Variants in PDE4C observed in about 807,000 individuals in gnomAD.
PDE4C encodes the protein phosphodiesterase 4C.
A neutral mutation model predicts 63.9 loss-of-function variants in PDE4C; 50 were observed. The observed-to-expected ratio is 0.78, with a 90% CI of 0.62 to 0.99. PDE4C has a LOEUF of 0.99. PDE4C is among the 50% of genes least tolerant of loss of function. The pLI is 0.00. For synonymous variants in PDE4C, 377 were observed against 385.1 expected (o/e 0.98, Z 0.25); for missense variants, 777 against 899.1 (o/e 0.86, Z 1.74).
upstream of PDE4C, among the ~76,000 whole-genome samples, chr19:18,250,984 C>T (rs144584960): frequency 0.025 from 3,796 of 152,262 alleles, 169 homozygotes; most frequent in African/African-American, 0.087. Context: ...CCATGTTGCC[C>T]AGGCTGGTCT....
chr19:18,222,369 G>T (rs1475152259), intron 1 of PDE4C, 46 bp from the exon 2 acceptor site: 1 of 1,554,956 alleles, frequency 6.4e-7, no homozygotes, highest in East Asian at 2.3e-5. Context: ...CATGACAACT[G>T]GGTGCCGGGT....
chr19:18,243,328 G>A (rs368620198), intron 1 of PDE4C, among the ~76,000 whole-genome samples: 2 of 151,822 alleles, frequency 1.3e-5, no homozygotes, highest in African/African-American at 4.8e-5. Flanking sequence ...GGCTGGTCTC[G>A]AACTCCTGAC....
At chr19:18,245,807 T>C (rs1473048780) in intron 1 of PDE4C, among the ~76,000 whole-genome samples, 1 of 152,152 alleles carries the variant, frequency 6.6e-6, no homozygotes, top group East Asian at 1.9e-4. Flanking sequence ...GTGAGCTGAG[T>C]GTGGGAGAGG....
exon 1 of PDE4C, chr19:18,226,399 G>A (rs1198497179): frequency 1.4e-6 from 2 of 1,447,774 alleles, no homozygotes; most frequent in Non-Finnish European, 1.8e-6. Flanking sequence ...CGGGGCGGGC[G>A]CGGGGGGGCC....
Position 18,219,546 on chromosome 19 carries a change from G to A in PDE4C, c.707-149C>T, listed in dbSNP as rs575310953. 562 of 842,552 alleles carry A rather than the reference G, an allele frequency of 6.7e-4. 3 individuals are homozygous for A. The South Asian group carries it at 7.9e-3, about 12-fold the overall frequency. 52.2% of individuals were successfully genotyped at this position (842,552 alleles called of 1,614,324 possible). On this transcript the variant is annotated intron_variant, in intron 7 of 14. Transcript: ENST00000262805. ...GTTCGGAGTAAAGACCCTGTCGGCC[G>A]GACGCAGTGGCTCACGCCTGTAATC...
At chr19:18,209,699 TC>T (rs60971526), downstream of PDE4C, 46,765 of 97,102 alleles carry the variant, frequency 0.48, 8,117 homozygotes, top group East Asian at 0.61. Context: ...TTTTTTTTTT[TC>T]TTTTCTTTTT....
In PDE4C at chr19:18,224,591, C is replaced by A. The variant is rs1490622999; in HGVS notation, c.146+1679G>T. ...CTTCGGATAAGTTCGAGCTTGTTCG[C>A]CTAAGTCCGGTTACGCTCGGTCTGC... On this transcript the variant is annotated intron_variant, in intron 1 of 14. Coordinates refer to ENST00000262805, the Ensembl canonical transcript of PDE4C. 1.8e-5 allele frequency: 16 copies of A among 867,048 alleles called. No individual in the cohort carries two copies. In the East Asian group the frequency reaches 1.2e-3, roughly 66 times the overall value. 53.7% of individuals were successfully genotyped at this position (867,048 alleles called of 1,614,324 possible). A position where few individuals can be genotyped will look rare whatever the true frequency, so the allele number is the denominator to read the frequency against.
At chr19:18,221,052 G>GCCAGGGCCCCCCCCCCC in intron 4 of PDE4C, 53 bp downstream of exon 4, 1 of 1,245,308 alleles carries the variant, frequency 8.0e-7, no homozygotes, top group Non-Finnish European at 1.1e-6. Context: ...CCCGCTTTCC[G>GCCAGGGCCCCCCCCCCC]CCCACCTTGT....
chr19:18,235,172 A>AGTTT (rs777024015), upstream of PDE4C, among the ~76,000 whole-genome samples: 57 of 151,974 alleles, frequency 3.8e-4, no homozygotes, highest in African/African-American at 1.2e-3. Context: ...TGGTGTGTCT[A>AGTTT]GTTTGTTTGT....
At chr19:18,230,948 C>T (rs946603849), upstream of PDE4C, among the ~76,000 whole-genome samples, 7 of 152,252 alleles carry the variant, frequency 4.6e-5, no homozygotes, top group South Asian at 6.2e-4. Context: ...TCCCATACCC[C>T]TGTGATCCAT....
intron 12 of PDE4C, 85 bp from the exon 13 acceptor site, chr19:18,213,575 T>G: frequency 6.9e-7 from 1 of 1,440,920 alleles, no homozygotes; most frequent in Non-Finnish European, 9.4e-7. Context: ...CCACTCTGGC[T>G]CAGACTCAGC....
upstream of PDE4C, among the ~76,000 whole-genome samples, chr19:18,234,060 G>A (rs1286482162): frequency 6.6e-6 from 1 of 152,192 alleles, no homozygotes; most frequent in East Asian, 1.9e-4. Context: ...GGCACACAGA[G>A]GCTACCTCTG....
exon 1 of PDE4C, chr19:18,233,081 C>G: frequency 6.4e-7 from 1 of 1,570,158 alleles, no homozygotes; most frequent in Non-Finnish European, 8.6e-7. Context: ...GGATGGGGCG[C>G]CGGGGTTGCC....
chr19:18,247,660 C>A (rs1037069635), intron 1 of PDE4C, among the ~76,000 whole-genome samples: 4 of 152,144 alleles, frequency 2.6e-5, no homozygotes, highest in African/African-American at 9.7e-5. Context: ...GCCACCCCCA[C>A]CCCCTACTCA....
At chr19:18,222,074 AG>A in intron 2 of PDE4C, 57 bp downstream of exon 2, 1 of 1,453,590 alleles carries the variant, frequency 6.9e-7, no homozygotes, top group Non-Finnish European at 9.5e-7. Flanking sequence ...TGCTGAATAG[AG>A]GAACAAAGGA....
upstream of PDE4C, among the ~76,000 whole-genome samples, chr19:18,249,184 G>T (rs1379091393): frequency 1.3e-5 from 2 of 152,048 alleles, no homozygotes; most frequent in African/African-American, 4.8e-5. Context: ...GCCCAATTTG[G>T]TCTCAAACTA....
chr19:18,222,336 A>T lies in PDE4C; in HGVS notation c.147-13T>A, dbSNP rs201012263. 1 of 1,603,492 alleles carries T rather than the reference A, an allele frequency of 6.2e-7. No individual in the cohort carries two copies. The highest frequency in any genetic ancestry group is 1.7e-5 in the Admixed American group (1 of 59,268). On this transcript the variant is annotated splice_polypyrimidine_tract_variant and intron_variant, in intron 1 of 14. Coordinates refer to ENST00000262805, the Ensembl canonical transcript of PDE4C. ...TTCCAGGTCAAAGCTGAAAGGAGAG[A>T]CGGCATGGTCAGAGACGAGGGTCAT... is the stretch of plus-strand genomic sequence containing the variant.
chr19:18,252,120 C>G (rs1277638057), upstream of PDE4C: 1 of 398,906 alleles, frequency 2.5e-6, no homozygotes, highest in South Asian at 1.3e-4. Context: ...CGTTCCGGGG[C>G]TGTGGGAAGT....
chr19:18,253,026 C>G (rs571115773), upstream of PDE4C, among the ~76,000 whole-genome samples: 1 of 152,302 alleles, frequency 6.6e-6, no homozygotes, highest in African/African-American at 2.4e-5. Context: ...AATTCATGCT[C>G]CTGGTCTGAA....
Sources: allele counts gnomAD v4.1 joint callset (sites outside exome capture counted in the v4.1 genomes callset), GRCh38; gene constraint gnomAD v4.1.1; transcripts MANE v1.5; gene names NCBI Gene and HGNC (gene_info 2026-07-23, HGNC 2026-07-21).